Variants in ABI2 observed in about 807,000 individuals in gnomAD.
ABI2 encodes the protein abl interactor 2, also known as abelson interactor 2.
Under a neutral mutation model 59.2 loss-of-function variants are expected in ABI2, and 25 were observed. The observed-to-expected ratio is 0.42, with a 90% CI of 0.31 to 0.59. The LOEUF (loss-of-function observed/expected upper bound fraction) is 0.59. Ranked by LOEUF, ABI2 falls within the 20% of genes least tolerant of loss-of-function variation. ABI2 has a pLI of 0.14. For synonymous variants in ABI2, 213 were observed against 235.5 expected (o/e 0.90, Z 0.87); for missense variants, 545 against 681.8 (o/e 0.80, Z 2.23).
At chr2:203,379,669 A>G (rs2095977489) in intron 2 of ABI2, among the ~76,000 whole-genome samples, 1 of 152,206 alleles carries the variant, frequency 6.6e-6, no homozygotes, top group Non-Finnish European at 1.5e-5. Context: ...TAATCACTAT[A>G]TTAGTCTAAA....
At chr2:203,412,578 GT>G (rs1204012274) in intron 10 of ABI2, among the ~76,000 whole-genome samples, 1 of 151,528 alleles carries the variant, frequency 6.6e-6, no homozygotes, top group Non-Finnish European at 1.5e-5. Context: ...TTCATAAGAT[GT>G]TTTGTTGAGT....
rs2094537094 is a variant in ABI2 at position 203,367,236 on chromosome 2, G to A, written c.285+192G>A. The A allele has an allele frequency of 1.4e-5, 10 of 706,222 alleles. No individual in the cohort carries two copies. In the South Asian group the frequency reaches 5.3e-4, roughly 37 times the overall value. 43.7% of individuals were successfully genotyped at this position (706,222 alleles called of 1,614,324 possible). On this transcript the variant is annotated intron_variant, in intron 2 of 11. Transcript: ENST00000261018. The stretch of plus-strand genomic sequence containing the variant: ...GTTATCTTCTCTGTGATTTTGATAG[G>A]AAAGTAAATCGTAATGAATTTTATT...
chr2:203,398,936 G>C (rs1290627633), intron 8 of ABI2, among the ~76,000 whole-genome samples: 1 of 152,032 alleles, frequency 6.6e-6, no homozygotes, highest in African/African-American at 2.4e-5. Flanking sequence ...ACCACAATTT[G>C]TTTATCCCTT....
chr2:203,405,036 T>TA (rs1456606850), intron 9 of ABI2, among the ~76,000 whole-genome samples: 1 of 152,218 alleles, frequency 6.6e-6, no homozygotes, highest in African/African-American at 2.4e-5. Context: ...TATGTTAAAG[T>TA]AAAAAGATCC....
intron 5 of ABI2, among the ~76,000 whole-genome samples, chr2:203,392,228 GT>G (rs1416556003): frequency 1.3e-5 from 2 of 151,782 alleles, no homozygotes; most frequent in African/African-American, 4.8e-5. Context: ...TGCTAAACAA[GT>G]TTTTAATTGA....
intron 1 of ABI2, chr2:203,355,178 C>T (rs774650965): frequency 9.7e-6 from 4 of 412,802 alleles, no homozygotes; most frequent in South Asian, 3.5e-5. Context: ...CAGTGCATAT[C>T]CTCTGGTGCT....
intron 1 of ABI2, among the ~76,000 whole-genome samples, chr2:203,361,760 A>G (rs989365538): frequency 1.3e-5 from 2 of 152,256 alleles, no homozygotes; most frequent in East Asian, 1.9e-4. Flanking sequence ...GGCCATTAAC[A>G]TAGACATTCT....
intron 1 of ABI2, among the ~76,000 whole-genome samples, chr2:203,343,154 A>G (rs2081029720): frequency 6.6e-6 from 1 of 152,202 alleles, no homozygotes; most frequent in Non-Finnish European, 1.5e-5. Context: ...ACGTGAGGTC[A>G]GGAGTTTGAG....
chr2:203,374,761 G>C, intron 2 of ABI2: 1 of 425,636 alleles, frequency 2.3e-6, no homozygotes, highest in African/African-American at 2.0e-5. Context: ...AAAAAATTGA[G>C]ACATATTTAA....
At chr2:203,349,194 G>T (rs1054445092) in intron 1 of ABI2, among the ~76,000 whole-genome samples, 1 of 151,660 alleles carries the variant, frequency 6.6e-6, no homozygotes, top group African/African-American at 2.4e-5. Flanking sequence ...TGCCTGCCTT[G>T]GCTTCCCAAA....
At chr2:203,398,666 C>A (rs1461361492) in intron 8 of ABI2, among the ~76,000 whole-genome samples, 1 of 152,174 alleles carries the variant, frequency 6.6e-6, no homozygotes, top group Non-Finnish European at 1.5e-5. Context: ...CAGAACAGTC[C>A]TATCATCGCA....
At chr2:203,390,173 C>T (rs1023693775) in intron 4 of ABI2, among the ~76,000 whole-genome samples, 1 of 152,090 alleles carries the variant, frequency 6.6e-6, no homozygotes, top group African/African-American at 2.4e-5. Flanking sequence ...TAAGAAGATA[C>T]TAACTAAATC....
At chr2:203,372,327 T>A (rs886306894) in intron 2 of ABI2, among the ~76,000 whole-genome samples, 1 of 152,218 alleles carries the variant, frequency 6.6e-6, no homozygotes, top group African/African-American at 2.4e-5. Flanking sequence ...CATGTCTACT[T>A]CTTTCTACAC....
intron 9 of ABI2, among the ~76,000 whole-genome samples, chr2:203,408,833 C>CTTTTTTTTTTTTTTTTTTTTTT (rs1156536730): frequency 1.1e-5 from 1 of 87,204 alleles, no homozygotes; most frequent in Non-Finnish European, 2.4e-5. Flanking sequence ...CTTCTCCTTT[C>CTTTTTTTTTTTTTTTTTTTTTT]TTTTTTTTTT....
chr2:203,355,131 C>G (rs1004672263), intron 1 of ABI2: 19 of 364,380 alleles, frequency 5.2e-5, no homozygotes, highest in Non-Finnish European at 1.2e-5. Context: ...ATCCTATTTT[C>G]TGGATCCCAT....
At chr2:203,379,488 C>T (rs1368464910) in intron 2 of ABI2, among the ~76,000 whole-genome samples, 2 of 152,208 alleles carry the variant, frequency 1.3e-5, no homozygotes, top group Non-Finnish European at 2.9e-5. Context: ...ATCTGCCCAC[C>T]TTGGCCTCCC....
chr2:203,416,774 C>G, intron 10 of ABI2, 134 bp from the exon 11 acceptor site: 1 of 914,468 alleles, frequency 1.1e-6, no homozygotes, highest in East Asian at 2.8e-5. Context: ...ACTTATCTTG[C>G]TCATTGATTT....
intron 11 of ABI2, among the ~76,000 whole-genome samples, chr2:203,423,575 G>GC (rs1330780649): frequency 3.9e-5 from 6 of 152,170 alleles, no homozygotes; most frequent in African/African-American, 1.4e-4. Context: ...ACAGGCGCCG[G>GC]CCACCATGCC....
intron 10 of ABI2, among the ~76,000 whole-genome samples, chr2:203,414,120 T>G (rs74513814): frequency 9.4e-6 from 1 of 106,274 alleles, no homozygotes; most frequent in Admixed American, 1.0e-4. Context: ...TTTTTTTTTT[T>G]GGAGACAGTC....
Sources: gnomAD v4.1 joint callset for allele counts (sites outside exome capture counted in the v4.1 genomes callset) on GRCh38, gnomAD v4.1.1 for gene constraint, MANE v1.5 for transcripts, NCBI Gene and HGNC (gene_info 2026-07-23, HGNC 2026-07-21) for gene names.